SLCO2A1: variants seen among roughly 807,000 people sequenced by gnomAD.
SLCO2A1 encodes the protein matrin F/G 1.
SLCO2A1 carries 60 observed loss-of-function variants against 71.7 expected under a neutral mutation model. The observed-to-expected ratio is 0.84, with a 90% CI of 0.68 to 1.04. SLCO2A1 has a LOEUF of 1.04. Among genes scored for constraint, SLCO2A1 ranks in the 50% least tolerant of loss-of-function variants. The pLI is 0.00. For missense variants in SLCO2A1, 745 were observed against 813.4 expected (o/e 0.92, Z 1.02); for synonymous variants, 308 against 326.7 (o/e 0.94, Z 0.62).
Position 133,973,764 on chromosome 3 carries a change from C to G in SLCO2A1, c.296G>C (p.Arg99Pro). The change falls in exon 3 of 14, where the codon CGT becomes CCT. Residue 99 changes from arginine to proline, a missense_variant. Arg to Pro is a moderately radical substitution (Grantham distance 103, BLOSUM62 -2). Coordinates refer to ENST00000310926, the MANE Select transcript of SLCO2A1 (RefSeq NM_005630.3). Reference sequence around the variant, plus strand: ...GAAGAGACCTCCGATGCCAATCAGACGTGGACGGTGCACCCGGCTGCCAAA... The same window carrying G: ...GAAGAGACCTCCGATGCCAATCAGAGGTGGACGGTGCACCCGGCTGCCAAA... ...SYFGSRVHRP[R>P]LIGIGGLFLA... The G allele has an allele frequency of 1.2e-6, 2 of 1,614,044 alleles. No homozygotes were observed. The highest frequency in any genetic ancestry group is 1.1e-5 in the South Asian group (1 of 91,012).
chr3:133,968,637 T>C (rs942230579), intron 3 of SLCO2A1, among the ~76,000 whole-genome samples: 2 of 152,266 alleles, frequency 1.3e-5, no homozygotes, highest in Non-Finnish European at 2.9e-5. Context: ...CGGCATCCAT[T>C]GTCTGCATGT....
At chr3:133,984,273 C>T (rs1934658855) in intron 1 of SLCO2A1, among the ~76,000 whole-genome samples, 1 of 152,180 alleles carries the variant, frequency 6.6e-6, no homozygotes, top group Admixed American at 6.5e-5. Flanking sequence ...GGGTGAAAGA[C>T]TCTAGCCAGA....
chr3:133,960,774 C>A (rs1311238057), intron 3 of SLCO2A1, among the ~76,000 whole-genome samples: 1 of 151,964 alleles, frequency 6.6e-6, no homozygotes, highest in Non-Finnish European at 1.5e-5. Context: ...GACAGGGTGC[C>A]AGGGAGCATA....
intron 5 of SLCO2A1, among the ~76,000 whole-genome samples, chr3:133,952,400 G>C (rs942108829): frequency 6.6e-5 from 10 of 152,246 alleles, no homozygotes; most frequent in African/African-American, 2.4e-4. Context: ...AGTGGTGGGA[G>C]TGCTCTTCCT....
In SLCO2A1 at chr3:133,934,663, G is replaced by A. The variant is rs1933221929; in HGVS notation, c.*50C>T. The A allele has an allele frequency of 7.9e-7, 1 of 1,266,168 alleles. No individual in the cohort carries two copies. Among genetic ancestry groups the A allele is most frequent in the African/African-American group, 1.5e-5 (1 of 68,000 alleles). 78.4% of individuals were successfully genotyped at this position (1,266,168 alleles called of 1,614,324 possible). A position where few individuals can be genotyped will look rare whatever the true frequency, so the allele number is the denominator to read the frequency against. ...AACATTAGTGAGTATAGGCAGGTGT[G>A]GAAGAGTCAAGGTCCACTCTCTGGA... On this transcript the variant is annotated 3_prime_UTR_variant, in exon 14 of 14. Transcript: ENST00000310926.
chr3:133,996,197 T>G (rs1374243682), intron 1 of SLCO2A1, among the ~76,000 whole-genome samples: 5 of 152,182 alleles, frequency 3.3e-5, no homozygotes, highest in Admixed American at 3.3e-4. Context: ...AGCCCTCATC[T>G]GGGGGAACCT....
At chr3:134,013,494 G>C (rs924873672) in intron 1 of SLCO2A1, among the ~76,000 whole-genome samples, 19 of 152,128 alleles carry the variant, frequency 1.2e-4, no homozygotes, top group Admixed American at 5.2e-4. Context: ...GGTTCTGTCT[G>C]ACGGTGTCCC....
At chr3:133,999,586 G>T (rs543239121) in intron 1 of SLCO2A1, among the ~76,000 whole-genome samples, 1 of 152,324 alleles carries the variant, frequency 6.6e-6, no homozygotes, top group South Asian at 2.1e-4. Context: ...AGATGCCAAG[G>T]AGAGGTACAA....
At chr3:133,988,238 T>G (rs1339010154) in intron 1 of SLCO2A1, among the ~76,000 whole-genome samples, 1 of 152,188 alleles carries the variant, frequency 6.6e-6, no homozygotes, top group African/African-American at 2.4e-5. Flanking sequence ...TTACAACCTA[T>G]TCCCTCTGAA....
chr3:133,951,424 G>A (rs928431088), intron 5 of SLCO2A1, 80 bp from the exon 6 acceptor site: 1 of 1,523,410 alleles, frequency 6.6e-7, no homozygotes, highest in Non-Finnish European at 9.0e-7. Flanking sequence ...TGATCAGGGG[G>A]AGTTTCACTG....
At chr3:133,950,267 C>T (rs1933707965) in intron 6 of SLCO2A1, among the ~76,000 whole-genome samples, 1 of 152,166 alleles carries the variant, frequency 6.6e-6, no homozygotes, top group African/African-American at 2.4e-5. Flanking sequence ...GAGGTCCTCC[C>T]ACCCCTGCCC....
At chr3:134,001,949 G>C (rs1317036484) in intron 1 of SLCO2A1, among the ~76,000 whole-genome samples, 5 of 152,232 alleles carry the variant, frequency 3.3e-5, no homozygotes, top group Admixed American at 2.0e-4. Context: ...GAAAGGGATT[G>C]GTCACTCAGG....
At chr3:133,979,168 A>G (rs750840773) in intron 2 of SLCO2A1, among the ~76,000 whole-genome samples, 1 of 152,070 alleles carries the variant, frequency 6.6e-6, no homozygotes, top group Non-Finnish European at 1.5e-5. Flanking sequence ...AGCCACTTGT[A>G]CTCCTGAGCC....
chr3:134,023,863 A>G (rs1935645647), intron 1 of SLCO2A1, among the ~76,000 whole-genome samples: 1 of 150,206 alleles, frequency 6.7e-6, no homozygotes, highest in South Asian at 2.2e-4. Context: ...TGTAGGCTGC[A>G]TGGCTCTTTT....
chr3:133,949,028 C>T (rs1933664087), intron 6 of SLCO2A1, 57 bp from the exon 7 acceptor site: 10 of 1,461,748 alleles, frequency 6.8e-6, no homozygotes, highest in Non-Finnish European at 9.6e-6. Flanking sequence ...AGCCACCCTT[C>T]CCTGAGCCCT....
chr3:134,014,366 G>A (rs933197258), intron 1 of SLCO2A1, among the ~76,000 whole-genome samples: 2 of 152,132 alleles, frequency 1.3e-5, no homozygotes, highest in Non-Finnish European at 2.9e-5. Flanking sequence ...ACAGGCTCAG[G>A]AAGAGAGCTG....
rs149241629 is a variant in SLCO2A1 at position 133,945,777 on chromosome 3, C to T, written c.1296-517G>A. Among the ~76,000 whole-genome samples the T allele has an allele frequency of 6.6e-5, 10 of 152,246 alleles. No individual in the cohort carries two copies. The East Asian group carries it at 1.7e-3, about 26-fold the overall frequency. On this transcript the variant is annotated intron_variant, in intron 9 of 13. Coordinates refer to ENST00000310926, the MANE Select transcript of SLCO2A1 (RefSeq NM_005630.3). ...TGATCTCACTGTTCCCACTGTTCCC[C>T]GGTATCTGATATTCATGACCTTCTT...
intron 1 of SLCO2A1, among the ~76,000 whole-genome samples, chr3:133,994,661 G>T (rs572574800): frequency 1.3e-5 from 2 of 152,188 alleles, no homozygotes; most frequent in Non-Finnish European, 2.9e-5. Flanking sequence ...TGCACCCTTG[G>T]GGGGAAGCTG....
intron 1 of SLCO2A1, 61 bp downstream of exon 1, chr3:134,029,646 G>A (rs1325309573): frequency 4.4e-6 from 6 of 1,378,702 alleles, no homozygotes; most frequent in Non-Finnish European, 5.9e-6. Context: ...AGAAGCGGGT[G>A]CCCAGCCGAA....
Sources: gnomAD v4.1 joint callset for allele counts (sites outside exome capture counted in the v4.1 genomes callset) on GRCh38, gnomAD v4.1.1 for gene constraint, MANE v1.5 for transcripts, NCBI Gene and HGNC (gene_info 2026-07-23, HGNC 2026-07-21) for gene names.